The following MARCHF4 variants were observed in gnomAD, a reference collection of about 807,000 sequenced individuals.
MARCHF4 encodes the protein membrane associated ring-CH-type finger 4.
A neutral mutation model predicts 43.9 loss-of-function variants in MARCHF4; 14 were observed. That is an observed-to-expected ratio of 0.32 (90% CI 0.21 to 0.50). The LOEUF is 0.50. Among genes scored for constraint, MARCHF4 ranks in the 20% least tolerant of loss-of-function variants. The pLI is 0.98. For missense variants in MARCHF4, 468 were observed against 536.7 expected, an observed-to-expected ratio of 0.87 and a Z score of 1.27; for synonymous variants, 226 against 213.3, an observed-to-expected ratio of 1.06 and a Z score of -0.52.
At chr2:216,319,406 G>A (rs1289578545) in intron 1 of MARCHF4, among the ~76,000 whole-genome samples, 2 of 152,104 alleles carry the variant, frequency 1.3e-5, no homozygotes, top group Non-Finnish European at 2.9e-5. Context: ...ATTGTACCCA[G>A]TGCACGGCAG....
chr2:216,359,328 T>C (rs1196293403), intron 1 of MARCHF4, among the ~76,000 whole-genome samples: 1 of 152,202 alleles, frequency 6.6e-6, no homozygotes, highest in Non-Finnish European at 1.5e-5. Flanking sequence ...AAGAAGAGAA[T>C]GAATTATTAT....
At chr2:216,269,588 C>T (rs893212270) in intron 3 of MARCHF4, among the ~76,000 whole-genome samples, 2 of 152,182 alleles carry the variant, frequency 1.3e-5, no homozygotes, top group Non-Finnish European at 2.9e-5. Flanking sequence ...TTTCGGCAAA[C>T]CTTTCTTGAG....
chr2:216,341,767 CT>C lies in MARCHF4; in HGVS notation c.516+27977del, dbSNP rs1692240738. Among the ~76,000 whole-genome samples the C allele has an allele frequency of 1.2e-4, 18 of 152,272 alleles. 1 individual carries two copies. The South Asian group carries it at 3.5e-3, about 30-fold the overall frequency. On this transcript the variant is annotated intron_variant, in intron 1 of 3. Transcript: ENST00000273067. The stretch of plus-strand genomic sequence containing the variant: ...CCACCAAGTAGCACAGTCCCAGGGT[CT>C]CCCCTACTGGGCTGGGAATTAACCC...
chr2:216,332,891 T>C (rs1044208277), intron 1 of MARCHF4, among the ~76,000 whole-genome samples: 7 of 152,306 alleles, frequency 4.6e-5, no homozygotes, highest in African/African-American at 1.7e-4. Flanking sequence ...TTATGACAAG[T>C]GTGAAATGGT....
At chr2:216,333,903 A>T (rs1373090132) in intron 1 of MARCHF4, among the ~76,000 whole-genome samples, 1 of 151,728 alleles carries the variant, frequency 6.6e-6, no homozygotes, top group Admixed American at 6.6e-5. Flanking sequence ...CAAAGCAATC[A>T]TTGGGCCTCC....
intron 1 of MARCHF4, among the ~76,000 whole-genome samples, chr2:216,291,674 G>T (rs184341149): frequency 3.5e-4 from 53 of 152,144 alleles, no homozygotes; most frequent in South Asian, 1.7e-3. Context: ...TTCAAATGTT[G>T]ATCAATTTTC....
At chr2:216,312,325 A>G (rs1691700679) in intron 1 of MARCHF4, among the ~76,000 whole-genome samples, 1 of 152,224 alleles carries the variant, frequency 6.6e-6, no homozygotes, top group Admixed American at 6.5e-5. Context: ...TCCAAGGTGT[A>G]TATATACCAC....
chr2:216,267,021 T>C (rs1690856244), intron 3 of MARCHF4, among the ~76,000 whole-genome samples: 1 of 152,236 alleles, frequency 6.6e-6, no homozygotes, highest in Non-Finnish European at 1.5e-5. Context: ...TTTTGTCTTT[T>C]AAAATCCCAA....
chr2:216,296,499 C>T (rs62181072), intron 1 of MARCHF4, among the ~76,000 whole-genome samples: 2 of 152,190 alleles, frequency 1.3e-5, no homozygotes, highest in African/African-American at 2.4e-5. Flanking sequence ...ACAGCATCTC[C>T]TCTCCTTACT....
In MARCHF4 at chr2:216,290,797, G is replaced by A. The variant is rs148792835; in HGVS notation, c.517-7068C>T. Among the ~76,000 whole-genome samples the A allele has an allele frequency of 1.1e-3, 165 of 152,260 alleles. 1 individual carries two copies. The highest frequency in any genetic ancestry group is 3.4e-3 in the African/African-American group (143 of 41,542). On this transcript the variant is annotated intron_variant, in intron 1 of 3. Coordinates refer to ENST00000273067, the MANE Select transcript of MARCHF4 (RefSeq NM_020814.3). ...GGAGAGAAGTAGAAAAGTCAAGAAT[G>A]ATGCTAATTTTTACCTGCACAATGA...
intron 1 of MARCHF4, among the ~76,000 whole-genome samples, chr2:216,348,969 T>G (rs796276313): frequency 3.9e-5 from 6 of 152,370 alleles, no homozygotes; most frequent in African/African-American, 1.4e-4. Context: ...CTGCCATATA[T>G]CACAGTCCTT....
chr2:216,352,930 G>T (rs1041784765), intron 1 of MARCHF4, among the ~76,000 whole-genome samples: 1 of 152,148 alleles, frequency 6.6e-6, no homozygotes, highest in Non-Finnish European at 1.5e-5. Context: ...ATGCGGTTCT[G>T]GCACAAAGCA....
At chr2:216,330,287 G>A (rs1407364125) in intron 1 of MARCHF4, among the ~76,000 whole-genome samples, 1 of 152,074 alleles carries the variant, frequency 6.6e-6, no homozygotes, top group African/African-American at 2.4e-5. Flanking sequence ...ATTTTATAAT[G>A]ACAGTATGGT....
At chr2:216,323,345 A>G (rs908275909) in intron 1 of MARCHF4, among the ~76,000 whole-genome samples, 6 of 152,166 alleles carry the variant, frequency 3.9e-5, no homozygotes, top group Non-Finnish European at 8.8e-5. Context: ...CAGTTTCAGC[A>G]CTTGGTAAAA....
At chr2:216,361,927 T>C (rs938911056) in intron 1 of MARCHF4, among the ~76,000 whole-genome samples, 5 of 152,230 alleles carry the variant, frequency 3.3e-5, no homozygotes, top group African/African-American at 1.2e-4. Flanking sequence ...CCTAGATCTT[T>C]AATGCATCAT....
intron 1 of MARCHF4, among the ~76,000 whole-genome samples, chr2:216,287,899 A>T (rs1395650222): frequency 1.3e-5 from 2 of 151,864 alleles, no homozygotes; most frequent in Admixed American, 1.3e-4. Context: ...AACCTCTCTG[A>T]GGCTCCATTT....
chr2:216,367,131 G>A (rs1692679190), intron 1 of MARCHF4, among the ~76,000 whole-genome samples: 1 of 152,072 alleles, frequency 6.6e-6, no homozygotes, highest in African/African-American at 2.4e-5. Flanking sequence ...TGGGGAGCAG[G>A]GAGGTGGGGG....
At chr2:216,284,050 A>T (rs1351001374) in intron 1 of MARCHF4, among the ~76,000 whole-genome samples, 1 of 152,210 alleles carries the variant, frequency 6.6e-6, no homozygotes, top group Non-Finnish European at 1.5e-5. Context: ...GTGGGGTGTC[A>T]GGCTGCAGAA....
chr2:216,362,461 AT>A (rs1398667299), intron 1 of MARCHF4, among the ~76,000 whole-genome samples: 23 of 152,240 alleles, frequency 1.5e-4, no homozygotes, highest in Admixed American at 1.3e-4. Flanking sequence ...TCTTTCAGAC[AT>A]TGATGTTGAT....
Sources: gnomAD v4.1 joint callset for allele counts (sites outside exome capture counted in the v4.1 genomes callset) on GRCh38, gnomAD v4.1.1 for gene constraint, MANE v1.5 for transcripts, NCBI Gene and HGNC (gene_info 2026-07-23, HGNC 2026-07-21) for gene names.